The following AMPH variants were observed in gnomAD, a reference collection of about 807,000 sequenced individuals.
The protein encoded by AMPH is amphiphysin (Stiff-Mann syndrome with breast cancer 128kD autoantigen).
In AMPH, 49 loss-of-function variants were observed where a neutral mutation model predicts 99.1. The observed-to-expected ratio is 0.49, with a 90% CI of 0.39 to 0.63. The LOEUF is 0.63. Ranked by LOEUF, AMPH falls within the 20% of genes least tolerant of loss-of-function variation. The probability of loss-of-function intolerance (pLI) is 0.00; values close to 1 mark genes in which losing one functional copy is unlikely to be tolerated. For synonymous variants in AMPH, 314 were observed against 317.3 expected (o/e 0.99, Z 0.11); for missense variants, 759 against 863.4 (o/e 0.88, Z 1.52).
At chr7:38,624,260 A>G (rs965776131) in intron 1 of AMPH, among the ~76,000 whole-genome samples, 1 of 151,602 alleles carries the variant, frequency 6.6e-6, no homozygotes, top group Non-Finnish European at 1.5e-5. Flanking sequence ...GTAATGCATG[A>G]AAAAAAAATT....
At chr7:38,576,483 C>T (rs756328443) in intron 1 of AMPH, among the ~76,000 whole-genome samples, 5 of 151,960 alleles carry the variant, frequency 3.3e-5, no homozygotes, top group Non-Finnish European at 5.9e-5. Flanking sequence ...CTTAGCCACC[C>T]GAGAATTCCT....
In AMPH at chr7:38,444,881, T is replaced by C. The variant is rs113227338; in HGVS notation, c.1018-8493A>G. On this transcript the variant is annotated intron_variant, in intron 11 of 20. Coordinates refer to ENST00000356264, the MANE Select transcript of AMPH (RefSeq NM_001635.4). Reference sequence around the variant, plus strand: ...AAAGACTAACCCTACTGACCCTGATTTCAAGATATCATAAAATGACAATAA... The same window carrying C: ...AAAGACTAACCCTACTGACCCTGATCTCAAGATATCATAAAATGACAATAA... Among the ~76,000 whole-genome samples, 1,295 of 151,690 alleles carry C rather than the reference T, an allele frequency of 8.5e-3. 20 individuals carry two copies. The highest frequency in any genetic ancestry group is 0.027 in the African/African-American group (1,125 of 41,316).
chr7:38,505,038 C>A (rs940626260), intron 2 of AMPH, among the ~76,000 whole-genome samples: 2 of 152,034 alleles, frequency 1.3e-5, no homozygotes, highest in African/African-American at 4.8e-5. Flanking sequence ...CCTCTTTCCT[C>A]ATTATAATCT....
intron 2 of AMPH, among the ~76,000 whole-genome samples, chr7:38,520,350 T>C (rs939452600): frequency 6.6e-6 from 1 of 152,190 alleles, no homozygotes; most frequent in Non-Finnish European, 1.5e-5. Context: ...TGTATAGTCA[T>C]AAATAAAGTT....
chr7:38,488,835 T>C (rs1415896184), intron 5 of AMPH, among the ~76,000 whole-genome samples: 4 of 152,004 alleles, frequency 2.6e-5, no homozygotes, highest in Non-Finnish European at 5.9e-5. Context: ...TATTCAAAAA[T>C]AAATTAAAGA....
At chr7:38,426,428 G>T (rs1015863424) in intron 15 of AMPH, among the ~76,000 whole-genome samples, 2 of 152,202 alleles carry the variant, frequency 1.3e-5, no homozygotes. Context: ...TATGGTTTCT[G>T]ATCTTCCAAC....
chr7:38,437,625 C>CAAAA (rs70977404), intron 11 of AMPH, among the ~76,000 whole-genome samples: 7 of 94,802 alleles, frequency 7.4e-5, no homozygotes, highest in South Asian at 4.3e-4. Flanking sequence ...ACTAAAAATA[C>CAAAA]AAAAAAAAAA....
At chr7:38,605,271 A>T (rs1242080319) in intron 1 of AMPH, among the ~76,000 whole-genome samples, 1 of 152,196 alleles carries the variant, frequency 6.6e-6, no homozygotes, top group Admixed American at 6.5e-5. Context: ...GAGAGAAAGC[A>T]AGAGGAAGAA....
intron 11 of AMPH, among the ~76,000 whole-genome samples, chr7:38,444,996 TATA>T (rs1406985512): frequency 1.8e-5 from 1 of 56,652 alleles, no homozygotes; most frequent in African/African-American, 6.5e-5. Flanking sequence ...TATACATATA[TATA>T]TATATATATA....
At chr7:38,413,957 C>T (rs1197125220) in intron 17 of AMPH, among the ~76,000 whole-genome samples, 2 of 152,192 alleles carry the variant, frequency 1.3e-5, no homozygotes, top group Admixed American at 1.3e-4. Context: ...CTGAAGGACA[C>T]CTCAACCTCT....
At chr7:38,546,910 C>T (rs1791014520) in intron 1 of AMPH, among the ~76,000 whole-genome samples, 1 of 152,298 alleles carries the variant, frequency 6.6e-6, no homozygotes, top group Admixed American at 6.5e-5. Flanking sequence ...CTGGGTGCTC[C>T]AGGAAGCTAA....
intron 1 of AMPH, among the ~76,000 whole-genome samples, chr7:38,545,402 T>G (rs182324925): frequency 1.3e-5 from 2 of 152,142 alleles, no homozygotes; most frequent in African/African-American, 4.8e-5. Context: ...TTAAAGCTAT[T>G]TGAAAGTTCA....
intron 17 of AMPH, among the ~76,000 whole-genome samples, chr7:38,409,966 T>C (rs1453777908): frequency 6.6e-6 from 1 of 152,252 alleles, no homozygotes; most frequent in East Asian, 1.9e-4. Context: ...CAAACGTAAA[T>C]ACCATGTATT....
rs1381509002 is a variant in AMPH at position 38,571,078 on chromosome 7, TATATATTCATATATTGAATATATATATTC to T, written c.70-36096_70-36068del. Among the ~76,000 whole-genome samples, 30 of 48,244 alleles carry T rather than the reference TATATATTCATATATTGAATATATATATTC, an allele frequency of 6.2e-4. 5 individuals are homozygous for T. Among genetic ancestry groups the T allele is most frequent in the East Asian group, 5.7e-3 (13 of 2,280 alleles). The allele number at this position is 48,244 out of a possible 152,430, so 31.6% of individuals were successfully genotyped here. ...TCATATATTGAATATATATAGAATA[TATATATTCATATATTGAATATATATATTC>T]ATATATACAGTATATATGAATATAT... On this transcript the variant is annotated intron_variant, in intron 1 of 20. Transcript: ENST00000356264.
intron 12 of AMPH, 122 bp from the exon 13 acceptor site, chr7:38,432,334 A>G: frequency 1.2e-6 from 1 of 858,798 alleles, no homozygotes; most frequent in Non-Finnish European, 1.9e-6. Context: ...GTACTGTTCA[A>G]TAAAACTTTT....
intron 11 of AMPH, among the ~76,000 whole-genome samples, chr7:38,451,400 G>T (rs60751953): frequency 1.1e-4 from 14 of 133,326 alleles, no homozygotes; most frequent in East Asian, 4.5e-4. Flanking sequence ...ATACATATAC[G>T]TGTGTATATA....
intron 17 of AMPH, among the ~76,000 whole-genome samples, chr7:38,403,036 C>T (rs879746367): frequency 6.6e-6 from 1 of 151,672 alleles, no homozygotes; most frequent in South Asian, 2.1e-4. Context: ...AAAAAATGCT[C>T]CAAGGTTTTT....
chr7:38,596,889 G>C (rs539398684), intron 1 of AMPH, among the ~76,000 whole-genome samples: 1 of 152,246 alleles, frequency 6.6e-6, no homozygotes, highest in Non-Finnish European at 1.5e-5. Flanking sequence ...CTCTACTCCA[G>C]TGTCCAAATG....
chr7:38,401,459 T>C (rs1278502766), intron 17 of AMPH, among the ~76,000 whole-genome samples: 5 of 152,240 alleles, frequency 3.3e-5, no homozygotes, highest in African/African-American at 1.2e-4. Context: ...TCAATTGCAA[T>C]ATAGCTTCAT....
Sources: allele counts gnomAD v4.1 joint callset (sites outside exome capture counted in the v4.1 genomes callset), GRCh38; gene constraint gnomAD v4.1.1; transcripts MANE v1.5; gene names NCBI Gene and HGNC (gene_info 2026-07-23, HGNC 2026-07-21).